The following OSBPL1A variants were observed in gnomAD, a reference collection of about 807,000 sequenced individuals.
OSBPL1A encodes the protein oxysterol binding protein like 1A, also known as oxysterol-binding protein-related protein 1.
In OSBPL1A, 80 loss-of-function variants were observed where a neutral mutation model predicts 137.1. That is an observed-to-expected ratio of 0.58 (90% CI 0.49 to 0.70). The LOEUF (loss-of-function observed/expected upper bound fraction) is 0.70, where lower values mean the gene tolerates loss of function less well. Ranked by LOEUF, OSBPL1A falls within the 30% of genes least tolerant of loss-of-function variation. OSBPL1A has a pLI of 0.00. For synonymous variants in OSBPL1A, 365 were observed against 389.7 expected (o/e 0.94, Z 0.75); for missense variants, 970 against 1,129.4 (o/e 0.86, Z 2.02).
chr18:24,206,031 C>T (rs1599489030), intron 17 of OSBPL1A, among the ~76,000 whole-genome samples: 1 of 152,296 alleles, frequency 6.6e-6, no homozygotes, highest in South Asian at 2.1e-4. Context: ...GCTGGGACTA[C>T]AGGCATGTGC....
intron 7 of OSBPL1A, among the ~76,000 whole-genome samples, chr18:24,323,198 CT>C (rs1019948227): frequency 2.0e-5 from 3 of 151,746 alleles, no homozygotes; most frequent in African/African-American, 2.4e-5. Context: ...ATCTTAAAAA[CT>C]TTTTTTTAAT....
chr18:24,239,620 A>C (rs1204789811), intron 15 of OSBPL1A, among the ~76,000 whole-genome samples: 2 of 152,188 alleles, frequency 1.3e-5, no homozygotes, highest in African/African-American at 4.8e-5. Flanking sequence ...CTAGCAAATA[A>C]ATTCAGCTCA....
chr18:24,212,170 C>T (rs1377946131), intron 17 of OSBPL1A, among the ~76,000 whole-genome samples: 2 of 151,640 alleles, frequency 1.3e-5, no homozygotes, highest in African/African-American at 2.4e-5. Context: ...CAGGTTCAAG[C>T]GATTCCCCTG....
intron 16 of OSBPL1A, among the ~76,000 whole-genome samples, chr18:24,230,417 T>C (rs998980665): frequency 2.6e-5 from 4 of 152,200 alleles, no homozygotes; most frequent in South Asian, 4.1e-4. Flanking sequence ...GTTTATGTTA[T>C]GTATATTTTA....
At chr18:24,233,657 T>C (rs1002339866) in intron 16 of OSBPL1A, among the ~76,000 whole-genome samples, 11 of 152,062 alleles carry the variant, frequency 7.2e-5, no homozygotes, top group Non-Finnish European at 1.0e-4. Flanking sequence ...CTCTCTCTCT[T>C]TCTTTCTTTC....
chr18:24,393,454 T>G (rs1470177322), intron 1 of OSBPL1A, among the ~76,000 whole-genome samples: 1 of 152,196 alleles, frequency 6.6e-6, no homozygotes, highest in Non-Finnish European at 1.5e-5. Flanking sequence ...TTATTTATTT[T>G]TATTTTTATT....
intron 15 of OSBPL1A, among the ~76,000 whole-genome samples, chr18:24,245,058 C>T (rs1037216544): frequency 6.6e-6 from 1 of 152,070 alleles, no homozygotes; most frequent in African/African-American, 2.4e-5. Context: ...GCATGGATGG[C>T]TACAATTAAC....
intron 14 of OSBPL1A, among the ~76,000 whole-genome samples, chr18:24,283,278 AAAAAT>A (rs1326166821): frequency 1.0e-5 from 1 of 99,390 alleles, no homozygotes; most frequent in Non-Finnish European, 2.1e-5. Context: ...AAAAAAAAAA[AAAAAT>A]ATATATATAT....
At chr18:24,259,761 T>TA (rs1253241229) in intron 15 of OSBPL1A, among the ~76,000 whole-genome samples, 7 of 152,150 alleles carry the variant, frequency 4.6e-5, no homozygotes, top group Non-Finnish European at 8.8e-5. Flanking sequence ...GCTATTCTGA[T>TA]ATGGCTTTTG....
intron 1 of OSBPL1A, among the ~76,000 whole-genome samples, chr18:24,396,000 C>T (rs929695416): frequency 2.0e-5 from 3 of 150,060 alleles, no homozygotes; most frequent in Admixed American, 2.0e-4. Context: ...GCAGGCGGAT[C>T]ATAAGGTCAG....
chr18:24,343,063 G>C (rs1209046066), intron 4 of OSBPL1A, among the ~76,000 whole-genome samples: 1 of 151,166 alleles, frequency 6.6e-6, no homozygotes, highest in Non-Finnish European at 1.5e-5. Flanking sequence ...CCCACAGAAT[G>C]AGAAAAAAAA....
intron 14 of OSBPL1A, among the ~76,000 whole-genome samples, chr18:24,284,276 A>G (rs368310674): frequency 2.6e-5 from 4 of 152,320 alleles, no homozygotes; most frequent in Admixed American, 6.5e-5. Context: ...ACTGGGAATC[A>G]CTGCAAATAC....
intron 15 of OSBPL1A, among the ~76,000 whole-genome samples, chr18:24,254,801 T>C (rs2089221587): frequency 6.6e-6 from 1 of 151,492 alleles, no homozygotes; most frequent in Non-Finnish European, 1.5e-5. Context: ...AACAAATCAG[T>C]TGAAGAAATA....
intron 1 of OSBPL1A, among the ~76,000 whole-genome samples, chr18:24,396,599 C>T (rs1907758694): frequency 6.6e-6 from 1 of 151,648 alleles, no homozygotes; most frequent in Non-Finnish European, 1.5e-5. Context: ...AGACAAAGCC[C>T]ACCTAGTGGT....
rs375959631 is a variant in OSBPL1A at position 24,332,764 on chromosome 18, G to A, written c.625+178C>T. ...TCAACTGTACTTATCTTTTCCTTGA[G>A]GGTAGGATCTACCTTTGTCATCATT... On this transcript the variant is annotated intron_variant, in intron 7 of 27. Coordinates refer to ENST00000319481, the MANE Select transcript of OSBPL1A (RefSeq NM_080597.4). Among the ~76,000 whole-genome samples the A allele has an allele frequency of 2.2e-4, 33 of 152,244 alleles. 1 individual carries two copies. The highest frequency in any genetic ancestry group is 7.7e-4 in the African/African-American group (32 of 41,548).
intron 18 of OSBPL1A, among the ~76,000 whole-genome samples, chr18:24,182,996 G>C (rs1297264917): frequency 6.6e-6 from 1 of 151,976 alleles, no homozygotes; most frequent in Non-Finnish European, 1.5e-5. Flanking sequence ...AGCCTCCGGA[G>C]TAGCTGGGAT....
In OSBPL1A at chr18:24,163,084, T is replaced by C; in HGVS notation, c.*95A>G. 1.1e-6 allele frequency: 1 copy of C among 886,096 alleles called. No homozygotes were observed. The highest frequency in any genetic ancestry group is 1.7e-6 in the Non-Finnish European group (1 of 594,270). 54.9% of individuals were successfully genotyped at this position (886,096 alleles called of 1,614,324 possible). On this transcript the variant is annotated 3_prime_UTR_variant, in exon 28 of 28. Transcript: ENST00000319481. ...TCATGAGTGTTTTTTCATTTTTTTT[T>C]TTAAAAGATAAGTAGAAACCAAGGG...
At position 24,341,558 on chromosome 18, in the gene OSBPL1A, C is replaced by CT. The variant is rs749665098; in HGVS notation, c.382dup (p.Ser128LysfsTer4). 5 of 1,610,394 alleles carry CT rather than the reference C, an allele frequency of 3.1e-6. No individual in the cohort carries two copies. The highest frequency in any genetic ancestry group is 4.2e-6 in the Non-Finnish European group (5 of 1,177,312). On this transcript the variant is annotated frameshift_variant, in exon 5 of 28. Transcript: ENST00000319481. LOFTEE classifies it high-confidence loss of function. ...TCCATGATATTTACCTTCAAGCATG[C>CT]TTCTGATTTCTTCAGCATGAGTAAC... is the stretch of plus-strand genomic sequence containing the variant.
At chr18:24,338,197 T>C (rs1297015220) in intron 5 of OSBPL1A, among the ~76,000 whole-genome samples, 2 of 151,610 alleles carry the variant, frequency 1.3e-5, no homozygotes, top group African/African-American at 4.8e-5. Context: ...CTCAGCTTCC[T>C]CAGTAGCTGG....
Sources: allele counts gnomAD v4.1 joint callset (sites outside exome capture counted in the v4.1 genomes callset), GRCh38; gene constraint gnomAD v4.1.1; transcripts MANE v1.5; gene names NCBI Gene and HGNC (gene_info 2026-07-23, HGNC 2026-07-21).